Variants in LHFPL3 observed in about 807,000 individuals in gnomAD.
The protein encoded by LHFPL3 is LHFPL tetraspan subfamily member 3.
In LHFPL3, 5 loss-of-function variants were observed where a neutral mutation model predicts 19.3. The ratio of observed to expected loss-of-function variants is 0.26; its 90% CI spans 0.14 to 0.54. The LOEUF is 0.54. Ranked by LOEUF, LHFPL3 falls within the 20% of genes least tolerant of loss-of-function variation. LHFPL3 has a pLI of 0.94. For synonymous variants in LHFPL3, 133 were observed against 126.2 expected (o/e 1.05, Z -0.36); for missense variants, 249 against 307.4 (o/e 0.81, Z 1.42).
At chr7:104,455,085 A>G (rs1792514055) in intron 1 of LHFPL3, among the ~76,000 whole-genome samples, 1 of 152,278 alleles carries the variant, frequency 6.6e-6, no homozygotes, top group East Asian at 1.9e-4. Context: ...GTTTCATTTA[A>G]TCTTGATGCA....
chr7:104,608,420 C>T (rs1420038592), intron 1 of LHFPL3, among the ~76,000 whole-genome samples: 2 of 147,608 alleles, frequency 1.4e-5, no homozygotes, highest in African/African-American at 2.5e-5. Context: ...ACCGCATGTT[C>T]TCACTCATAG....
intron 1 of LHFPL3, among the ~76,000 whole-genome samples, chr7:104,428,707 C>T (rs1791894709): frequency 6.6e-6 from 1 of 152,094 alleles, no homozygotes; most frequent in African/African-American, 2.4e-5. Flanking sequence ...ACTCTAGAAA[C>T]TATTTTACTT....
intron 1 of LHFPL3, among the ~76,000 whole-genome samples, chr7:104,712,330 A>G (rs1793312848): frequency 2.0e-5 from 3 of 152,208 alleles, no homozygotes; most frequent in East Asian, 3.9e-4. Context: ...CAGCTCTGGC[A>G]TCTGGTGAGG....
intron 1 of LHFPL3, among the ~76,000 whole-genome samples, chr7:104,402,467 T>A (rs1791332252): frequency 6.6e-6 from 1 of 152,250 alleles, no homozygotes; most frequent in Non-Finnish European, 1.5e-5. Context: ...TAAACTAATT[T>A]GGGATAAATA....
rs148784719 is a variant in LHFPL3, at chr7:104,736,410, G to A, written c.446-265G>A. Among the ~76,000 whole-genome samples the A allele has an allele frequency of 4.7e-3, 721 of 152,114 alleles. 4 individuals carry two copies. Among genetic ancestry groups the A allele is most frequent in the African/African-American group, 0.016 (659 of 41,484 alleles). On this transcript the variant is annotated intron_variant, in intron 1 of 2. Coordinates refer to ENST00000424859, the MANE Select transcript of LHFPL3 (RefSeq NM_199000.3). Reference sequence around the variant, plus strand: ...TCTTAACCTCTTTCGGGATGCTTGCGTTCACTGTAAAGTGCATTCCCAGAG... The same window carrying A: ...TCTTAACCTCTTTCGGGATGCTTGCATTCACTGTAAAGTGCATTCCCAGAG...
chr7:104,758,170 C>A (rs1446883432), intron 2 of LHFPL3, among the ~76,000 whole-genome samples: 3 of 152,064 alleles, frequency 2.0e-5, no homozygotes, highest in Non-Finnish European at 4.4e-5. Context: ...AACATGGGAA[C>A]AATGGACACT....
chr7:104,777,039 CTAAG>C (rs1381042330), intron 2 of LHFPL3, among the ~76,000 whole-genome samples: 1 of 152,256 alleles, frequency 6.6e-6, no homozygotes, highest in African/African-American at 2.4e-5. Flanking sequence ...CTATCTGGCT[CTAAG>C]TAAGTGTCAT....
At chr7:104,848,874 G>T (rs1281674777) in intron 2 of LHFPL3, among the ~76,000 whole-genome samples, 1 of 152,090 alleles carries the variant, frequency 6.6e-6, no homozygotes, top group African/African-American at 2.4e-5. Context: ...GTGATGATGA[G>T]AACTCTGCCT....
chr7:104,363,098 G>A (rs1790420901), intron 1 of LHFPL3, among the ~76,000 whole-genome samples: 1 of 152,184 alleles, frequency 6.6e-6, no homozygotes, highest in African/African-American at 2.4e-5. Context: ...GTTTGACAAG[G>A]GCAGTCTTCT....
intron 2 of LHFPL3, among the ~76,000 whole-genome samples, chr7:104,770,573 G>T (rs1235415246): frequency 6.6e-6 from 1 of 152,192 alleles, no homozygotes; most frequent in African/African-American, 2.4e-5. Context: ...AAGACTGGAA[G>T]AGCAGAGATT....
intron 2 of LHFPL3, among the ~76,000 whole-genome samples, chr7:104,837,681 G>A (rs1791123626): frequency 6.6e-6 from 1 of 152,064 alleles, no homozygotes; most frequent in Admixed American, 6.6e-5. Context: ...ACATGAGTAA[G>A]TTCTTTAGTG....
At chr7:104,788,018 C>T (rs1030521619) in intron 2 of LHFPL3, among the ~76,000 whole-genome samples, 15 of 152,154 alleles carry the variant, frequency 9.9e-5, no homozygotes, top group African/African-American at 1.7e-4. Flanking sequence ...AGTTCTTTCT[C>T]GTTGAATTTT....
intron 1 of LHFPL3, among the ~76,000 whole-genome samples, chr7:104,665,314 G>A (rs7782065): frequency 0.45 from 68,697 of 152,002 alleles, 16,179 homozygotes; most frequent in East Asian, 0.76. Context: ...AACTGGGTCC[G>A]TCCATGAAGA....
intron 2 of LHFPL3, among the ~76,000 whole-genome samples, chr7:104,837,905 G>A (rs545814247): frequency 1.7e-4 from 26 of 152,234 alleles, no homozygotes; most frequent in African/African-American, 6.3e-4. Context: ...ATTCTTGAAC[G>A]AATAAATGTT....
At chr7:104,664,826 A>G (rs1183800837) in intron 1 of LHFPL3, among the ~76,000 whole-genome samples, 1 of 152,116 alleles carries the variant, frequency 6.6e-6, no homozygotes, top group African/African-American at 2.4e-5. Context: ...TATCACCTCC[A>G]TTGGTGAGAA....
intron 1 of LHFPL3, among the ~76,000 whole-genome samples, chr7:104,663,165 G>T (rs867123885): frequency 1.7e-4 from 26 of 152,174 alleles, no homozygotes; most frequent in Admixed American, 1.6e-3. Flanking sequence ...TGAGTTTATA[G>T]TCAAGGTTGT....
chr7:104,864,817 A>G (rs1446660177), intron 2 of LHFPL3, among the ~76,000 whole-genome samples: 6 of 152,182 alleles, frequency 3.9e-5, no homozygotes, highest in Non-Finnish European at 8.8e-5. Context: ...CTGCCCCCCA[A>G]GTAGCCTAAC....
chr7:104,447,770 A>G (rs907359745), intron 1 of LHFPL3, among the ~76,000 whole-genome samples: 3 of 151,940 alleles, frequency 2.0e-5, no homozygotes, highest in Non-Finnish European at 4.4e-5. Flanking sequence ...ACTTGTGGGG[A>G]TTTTTTGTTT....
At chr7:104,642,227 AG>A (rs1364695747) in intron 1 of LHFPL3, among the ~76,000 whole-genome samples, 1 of 151,808 alleles carries the variant, frequency 6.6e-6, no homozygotes, top group African/African-American at 2.4e-5. Flanking sequence ...TAGTAGAGAC[AG>A]GGTTTCAGCA....
Sources: gnomAD v4.1 joint callset for allele counts (sites outside exome capture counted in the v4.1 genomes callset) on GRCh38, gnomAD v4.1.1 for gene constraint, MANE v1.5 for transcripts, NCBI Gene and HGNC (gene_info 2026-07-23, HGNC 2026-07-21) for gene names.